PDE10A: variants seen among roughly 807,000 people sequenced by gnomAD.
PDE10A encodes the protein phosphodiesterase 10A, also known as cAMP and cAMP-inhibited cGMP 3',5'-cyclic phosphodiesterase 10A.
PDE10A carries 39 observed loss-of-function variants against 97.7 expected under a neutral mutation model. The ratio of observed to expected loss-of-function variants is 0.40; its 90% CI spans 0.31 to 0.52. The LOEUF is 0.52. Ranked by LOEUF, PDE10A falls within the 20% of genes least tolerant of loss-of-function variation. The pLI, the probability that PDE10A is intolerant of heterozygous loss-of-function variation, is 0.56. For missense variants in PDE10A, 731 were observed against 1,047.8 expected, an observed-to-expected ratio of 0.70 and a Z score of 4.17; for synonymous variants, 371 against 376.8, an observed-to-expected ratio of 0.98 and a Z score of 0.18.
intron 1 of PDE10A, among the ~76,000 whole-genome samples, chr6:165,818,354 G>A (rs1362408864): frequency 6.6e-6 from 1 of 152,172 alleles, no homozygotes; most frequent in Non-Finnish European, 1.5e-5. Context: ...CCTGGCTACC[G>A]AGGTTGGTTT....
rs77478094 is a variant in PDE10A, at chr6:165,719,237, T to A, written c.-614-175669A>T. Among the ~76,000 whole-genome samples, 1,403 of 152,250 alleles carry A rather than the reference T, an allele frequency of 9.2e-3. 20 individuals are homozygous for A. The highest frequency in any genetic ancestry group is 0.032 in the African/African-American group (1,311 of 41,546). Reference sequence around the variant, plus strand: ...CACCTAGGGCTGAAGTCCAGGAGTCTCATGTTCAATGGCACAGCACACACT... The same window carrying A: ...CACCTAGGGCTGAAGTCCAGGAGTCACATGTTCAATGGCACAGCACACACT... On this transcript the variant is annotated intron_variant, in intron 1 of 19. Coordinates refer to the PDE10A transcript ENST00000366882.
chr6:165,594,756 G>A (rs1183156584), intron 1 of PDE10A, among the ~76,000 whole-genome samples: 1 of 152,164 alleles, frequency 6.6e-6, no homozygotes, highest in Non-Finnish European at 1.5e-5. Context: ...TACCTTTATG[G>A]TGGAGACATC....
At chr6:165,664,993 C>A (rs1790462055), upstream of PDE10A, among the ~76,000 whole-genome samples, 1 of 152,204 alleles carries the variant, frequency 6.6e-6, no homozygotes, top group Non-Finnish European at 1.5e-5. Context: ...CTTATTAAAT[C>A]AGGAGGCAAA....
At chr6:165,678,431 T>TG (rs2128438833) in intron 1 of PDE10A, among the ~76,000 whole-genome samples, 1 of 150,388 alleles carries the variant, frequency 6.6e-6, no homozygotes, top group East Asian at 2.1e-4. Flanking sequence ...TCTGTATTCT[T>TG]GAAAAAAAAA....
intron 1 of PDE10A, among the ~76,000 whole-genome samples, chr6:165,844,479 CA>C (rs1256820225): frequency 1.3e-5 from 2 of 152,144 alleles, no homozygotes; most frequent in African/African-American, 4.8e-5. Context: ...TAAGTCACTC[CA>C]GTCTCTGTTT....
chr6:165,858,569 A>ACAATTAT (rs1780814075), intron 1 of PDE10A, among the ~76,000 whole-genome samples: 1 of 152,238 alleles, frequency 6.6e-6, no homozygotes, highest in African/African-American at 2.4e-5. Context: ...ATTGCCCCCG[A>ACAATTAT]GGTCCACAGC....
At position 165,985,422 on chromosome 6, in the gene PDE10A, G is replaced by T. The variant is rs563355044; in HGVS notation, c.-615+2107C>A. The stretch of plus-strand genomic sequence containing the variant: ...ATTTTCCATCTTCAGTTTCTCATTG[G>T]TGTTATTCTAGGCAAAGAAGTACCC... On this transcript the variant is annotated intron_variant, in intron 1 of 19. Transcript: ENST00000366882. 1.1e-3 allele frequency among the ~76,000 whole-genome samples: 174 copies of T among 152,198 alleles called. 3 individuals carry two copies. In the South Asian group the frequency reaches 0.034, roughly 30 times the overall value.
intron 1 of PDE10A, among the ~76,000 whole-genome samples, chr6:165,624,054 T>G (rs1007040684): frequency 6.6e-6 from 1 of 152,236 alleles, no homozygotes; most frequent in African/African-American, 2.4e-5. Context: ...ACTCTGCTTC[T>G]GTCATTCATT....
At chr6:165,605,895 G>A (rs760012620) in intron 1 of PDE10A, among the ~76,000 whole-genome samples, 1 of 152,140 alleles carries the variant, frequency 6.6e-6, no homozygotes, top group Admixed American at 6.5e-5. Context: ...AGCACCCACT[G>A]TGCTGTACAA....
intron 1 of PDE10A, among the ~76,000 whole-genome samples, chr6:165,679,206 G>A (rs1019260614): frequency 9.9e-5 from 15 of 152,272 alleles, no homozygotes; most frequent in Middle Eastern, 6.8e-3. Flanking sequence ...CTGCATATCA[G>A]GTAAAGTGAT....
At chr6:165,915,308 G>A (rs1004431863) in intron 1 of PDE10A, among the ~76,000 whole-genome samples, 10 of 152,082 alleles carry the variant, frequency 6.6e-5, no homozygotes, top group Non-Finnish European at 1.3e-4. Flanking sequence ...AAATTGTAAC[G>A]ATTTTTAAAA....
At chr6:165,964,314 T>C (rs145723571) in intron 1 of PDE10A, among the ~76,000 whole-genome samples, 14 of 152,186 alleles carry the variant, frequency 9.2e-5, no homozygotes, top group Admixed American at 2.6e-4. Context: ...CCTCATTTCA[T>C]AGACACCAAA....
intron 1 of PDE10A, among the ~76,000 whole-genome samples, chr6:165,925,025 G>T (rs1183432741): frequency 6.6e-6 from 1 of 152,140 alleles, no homozygotes; most frequent in South Asian, 2.1e-4. Flanking sequence ...GTCCGCCAAG[G>T]TCTTGAATCT....
chr6:165,373,992 A>G (rs2128204169), intron 18 of PDE10A, among the ~76,000 whole-genome samples: 1 of 149,110 alleles, frequency 6.7e-6, no homozygotes, highest in South Asian at 2.2e-4. Flanking sequence ...AAAAAACCAA[A>G]CACCGCATGT....
In PDE10A at chr6:165,388,290, T is replaced by G; in HGVS notation, c.2610+8A>C. 6.2e-7 allele frequency: 1 copy of G among 1,613,690 alleles called. No individual in the cohort carries two copies. Among genetic ancestry groups the G allele is most frequent in the African/African-American group, 1.3e-5 (1 of 75,008 alleles). ...AGACTAAGCGAGAGACGGCGTGCAG[T>G]GACTCACCTGGAGGATGGACACAGT... On this transcript the variant is annotated splice_region_variant and intron_variant, in intron 17 of 21. Transcript: ENST00000539869. The surrounding 1 kb of genome is among the most constrained non-coding windows in gnomAD (Gnocchi z 4.0).
At chr6:165,340,630 G>A (rs997250653) in intron 19 of PDE10A, among the ~76,000 whole-genome samples, 17 of 152,144 alleles carry the variant, frequency 1.1e-4, no homozygotes, top group African/African-American at 3.1e-4. Flanking sequence ...ATATGTACTC[G>A]AAACAAAAAT....
chr6:165,379,088 C>G, intron 18 of PDE10A, 106 bp downstream of exon 18: 74 of 692,462 alleles, frequency 1.1e-4, no homozygotes, highest in Non-Finnish European at 1.6e-4. Flanking sequence ...AAATTTTTTA[C>G]ATTCCTTCTT....
intron 1 of PDE10A, among the ~76,000 whole-genome samples, chr6:165,642,017 CGT>C (rs60457825): frequency 0.83 from 125,861 of 151,522 alleles, 52,484 homozygotes; most frequent in East Asian, 0.89. Context: ...GAATCATGAA[CGT>C]GTGTGTGTGT....
At chr6:165,350,050 C>A (rs1782594776) in intron 18 of PDE10A, among the ~76,000 whole-genome samples, 1 of 152,212 alleles carries the variant, frequency 6.6e-6, no homozygotes, top group South Asian at 2.1e-4. Context: ...ACACAGAGTT[C>A]CCATTGGGGC....
Sources: allele counts gnomAD v4.1 joint callset (sites outside exome capture counted in the v4.1 genomes callset), GRCh38; gene constraint gnomAD v4.1.1; non-coding constraint Gnocchi (gnomAD v3.1); transcripts MANE v1.5; gene names NCBI Gene and HGNC (gene_info 2026-07-23, HGNC 2026-07-21).